Variants in CCDC171 observed in about 807,000 individuals in gnomAD.
The protein encoded by CCDC171 is coiled-coil domain containing 171.
CCDC171 carries 177 observed loss-of-function variants against 168.2 expected under a neutral mutation model. The observed-to-expected ratio is 1.05, with a 90% CI of 0.93 to 1.19. The LOEUF is 1.19. CCDC171 is among the 50% of genes most tolerant of loss of function. CCDC171 has a pLI of 0.00. For missense variants in CCDC171, 1,991 were observed against 1,539.0 expected, an observed-to-expected ratio of 1.29 and a Z score of -4.91; for synonymous variants, 687 against 540.8, an observed-to-expected ratio of 1.27 and a Z score of -3.75.
chr9:15,556,955 A>G lies in CCDC171; in HGVS notation c.-112+3653A>G, dbSNP rs192682389. Reference sequence around the variant, plus strand: ...AAGGGTTCCAGTTTCAGCTTTCTGCATATGGCTAGCCAGTTTTCCCAACAC... The same window carrying G: ...AAGGGTTCCAGTTTCAGCTTTCTGCGTATGGCTAGCCAGTTTTCCCAACAC... On this transcript the variant is annotated intron_variant, in intron 1 of 25. Transcript: ENST00000380701. Among the ~76,000 whole-genome samples the G allele has an allele frequency of 4.9e-3, 750 of 152,308 alleles. 8 individuals carry two copies. Among genetic ancestry groups the G allele is most frequent in the African/African-American group, 0.017 (714 of 41,570 alleles).
At chr9:15,991,158 T>C (rs532500143) in intron 3 of CCDC171, among the ~76,000 whole-genome samples, 1 of 152,184 alleles carries the variant, frequency 6.6e-6, no homozygotes, top group African/African-American at 2.4e-5. Flanking sequence ...TATTCCAAAA[T>C]TGACCACATA....
chr9:15,578,682 G>A (rs920832899), intron 3 of CCDC171, among the ~76,000 whole-genome samples, 167 bp from the exon 4 acceptor site: 8 of 151,554 alleles, frequency 5.3e-5, no homozygotes, highest in Admixed American at 3.3e-4. Context: ...CATAATGGGT[G>A]TCATTTTGTA....
intron 3 of CCDC171, among the ~76,000 whole-genome samples, chr9:15,982,381 A>C (rs539082950): frequency 5.1e-4 from 77 of 152,278 alleles, no homozygotes; most frequent in Non-Finnish European, 9.4e-4. Context: ...AGAGGGAGAT[A>C]ATGATACCTT....
intron 23 of CCDC171, among the ~76,000 whole-genome samples, chr9:15,852,136 G>A (rs974647806): frequency 5.3e-5 from 8 of 151,714 alleles, no homozygotes; most frequent in African/African-American, 1.9e-4. Flanking sequence ...ATAATACCAT[G>A]ATAACTTTCT....
rs1411488795 is a variant in CCDC171, at chr9:15,554,132, G to C, written c.-112+830G>C. On this transcript the variant is annotated intron_variant, in intron 1 of 25. Transcript: ENST00000380701. ...CCTCCCGGGTTCACGCCATTCTCCT[G>C]TCTCAGCCTCCCCAGCAGCCGGGAC... 2.0e-5 allele frequency among the ~76,000 whole-genome samples: 3 copies of C among 151,542 alleles called. No individual in the cohort carries two copies. In the East Asian group the frequency reaches 5.9e-4, roughly 30 times the overall value.
intron 24 of CCDC171, among the ~76,000 whole-genome samples, chr9:15,888,796 C>G (rs1819782270): frequency 6.6e-6 from 1 of 152,028 alleles, no homozygotes; most frequent in Non-Finnish European, 1.5e-5. Context: ...CCAGAATGCT[C>G]TGAAACTGGT....
At chr9:15,753,307 G>T (rs780304870) in intron 18 of CCDC171, among the ~76,000 whole-genome samples, 2 of 152,126 alleles carry the variant, frequency 1.3e-5, no homozygotes, top group African/African-American at 2.4e-5. Flanking sequence ...CAGATGAAGG[G>T]CATGGTTAAG....
chr9:15,646,509 C>T (rs1384468049), intron 7 of CCDC171, among the ~76,000 whole-genome samples: 2 of 152,092 alleles, frequency 1.3e-5, no homozygotes. Context: ...GGAGACCCAT[C>T]TCATGTGCAG....
At chr9:15,685,960 ATC>A (rs1445187030) in intron 10 of CCDC171, among the ~76,000 whole-genome samples, 1 of 152,054 alleles carries the variant, frequency 6.6e-6, no homozygotes, top group Non-Finnish European at 1.5e-5. Context: ...GAGTGAGTAA[ATC>A]TCTTTTTTGC....
At chr9:15,658,008 G>A (rs1055995973) in intron 8 of CCDC171, among the ~76,000 whole-genome samples, 5 of 152,152 alleles carry the variant, frequency 3.3e-5, no homozygotes, top group Non-Finnish European at 7.3e-5. Flanking sequence ...TATTGTTTAT[G>A]GGTGCTTGTC....
chr9:15,620,589 A>T (rs900307452), intron 6 of CCDC171, among the ~76,000 whole-genome samples: 6 of 152,108 alleles, frequency 3.9e-5, no homozygotes, highest in African/African-American at 1.4e-4. Flanking sequence ...TGAGATGGAA[A>T]CTCCTCCTGG....
chr9:15,855,614 G>A (rs2061320819), intron 23 of CCDC171, among the ~76,000 whole-genome samples: 1 of 151,744 alleles, frequency 6.6e-6, no homozygotes, highest in South Asian at 2.1e-4. Flanking sequence ...TTGTTCCTCA[G>A]TTCTTCTACG....
intron 6 of CCDC171, among the ~76,000 whole-genome samples, chr9:16,031,082 T>C (rs4741557): frequency 0.37 from 56,321 of 152,008 alleles, 12,271 homozygotes; most frequent in East Asian, 0.63. Flanking sequence ...GCCATGAAAT[T>C]AGTGGTTGAA....
chr9:16,074,087 G>A, the CCDC171 span, among the ~76,000 whole-genome samples: 1 of 152,070 alleles, frequency 6.6e-6, no homozygotes, highest in Non-Finnish European at 1.5e-5. Context: ...GAGGATGGGG[G>A]TTTCTACATT....
intron 3 of CCDC171, among the ~76,000 whole-genome samples, chr9:15,993,493 A>G (rs986848377): frequency 3.3e-5 from 5 of 152,226 alleles, no homozygotes; most frequent in Non-Finnish European, 5.9e-5. Flanking sequence ...TAAAAACCCT[A>G]GAAAAAAACC....
At chr9:15,948,969 G>A (rs10810498) in intron 25 of CCDC171, among the ~76,000 whole-genome samples, 47,034 of 151,530 alleles carry the variant, frequency 0.31, 9,075 homozygotes, top group East Asian at 0.61. Flanking sequence ...TAACATTTAA[G>A]TCTTTAATCC....
At chr9:15,744,153 T>C in intron 16 of CCDC171, 120 bp from the exon 17 acceptor site, 2 of 767,730 alleles carry the variant, frequency 2.6e-6, no homozygotes, top group Non-Finnish European at 4.1e-6. Context: ...TTTTAGCACA[T>C]GTATCTTTTA....
At chr9:15,900,905 C>G (rs552082130) in intron 24 of CCDC171, among the ~76,000 whole-genome samples, 1 of 152,282 alleles carries the variant, frequency 6.6e-6, no homozygotes, top group Non-Finnish European at 1.5e-5. Flanking sequence ...GAAGAGTCAA[C>G]TAGCTCAGTT....
chr9:16,045,701 T>A (rs1023749554), intron 1 of CCDC171, among the ~76,000 whole-genome samples: 5 of 152,012 alleles, frequency 3.3e-5, no homozygotes, highest in Non-Finnish European at 5.9e-5. Context: ...GGCTGAGGAG[T>A]GAATAGAACT....
Sources: allele counts gnomAD v4.1 joint callset (sites outside exome capture counted in the v4.1 genomes callset), GRCh38; gene constraint gnomAD v4.1.1; transcripts MANE v1.5; gene names NCBI Gene and HGNC (gene_info 2026-07-23, HGNC 2026-07-21).